Variants in SGIP1 observed in about 807,000 individuals in gnomAD.
SGIP1 encodes SH3GL interacting endocytic adaptor 1, also known as SH3-containing GRB2-like protein 3-interacting protein 1.
SGIP1 carries 38 observed loss-of-function variants against 107.5 expected under a neutral mutation model. The ratio of observed to expected loss-of-function variants is 0.35; its 90% CI spans 0.27 to 0.46. The LOEUF is 0.46. SGIP1 is among the 20% of genes least tolerant of loss of function. The probability of loss-of-function intolerance (pLI) is 1.00; values close to 1 mark genes in which losing one functional copy is unlikely to be tolerated. For synonymous variants in SGIP1, 365 were observed against 366.1 expected (o/e 1.00, Z 0.03); for missense variants, 929 against 1,019.5 (o/e 0.91, Z 1.21).
At chr1:66,535,795 CAG>C (rs1304308883) in intron 1 of SGIP1, among the ~76,000 whole-genome samples, 2 of 152,160 alleles carry the variant, frequency 1.3e-5, no homozygotes, top group African/African-American at 4.8e-5. Context: ...CAAGGCAAGA[CAG>C]AGTGTTATTT....
chr1:66,692,724 A>T (rs2090137864), intron 17 of SGIP1, among the ~76,000 whole-genome samples: 1 of 152,216 alleles, frequency 6.6e-6, no homozygotes, highest in Non-Finnish European at 1.5e-5. Context: ...GACATTTCCT[A>T]TGGTACTTGA....
chr1:66,706,003 A>G (rs545338082), intron 18 of SGIP1, among the ~76,000 whole-genome samples: 104 of 152,254 alleles, frequency 6.8e-4, no homozygotes, highest in African/African-American at 2.5e-3. Flanking sequence ...AAACCTACAC[A>G]TTCTGTACAT....
At chr1:66,607,822 ATT>A (rs1400575711) in intron 1 of SGIP1, among the ~76,000 whole-genome samples, 1 of 152,118 alleles carries the variant, frequency 6.6e-6, no homozygotes, top group Admixed American at 6.5e-5. Context: ...ATTGCTTTTT[ATT>A]TTCTCTCTTC....
At chr1:66,559,784 G>C (rs1478824534) in intron 1 of SGIP1, among the ~76,000 whole-genome samples, 1 of 152,054 alleles carries the variant, frequency 6.6e-6, no homozygotes, top group East Asian at 1.9e-4. Context: ...CATGTCGCTG[G>C]TCTGTTTCCA....
At chr1:66,618,169 T>C (rs1558087369) in intron 1 of SGIP1, among the ~76,000 whole-genome samples, 1 of 152,200 alleles carries the variant, frequency 6.6e-6, no homozygotes, top group Non-Finnish European at 1.5e-5. Flanking sequence ...CTAAATTGAG[T>C]TTTTAGTGTA....
chr1:66,677,102 T>C lies in SGIP1; in HGVS notation c.739+6T>C, dbSNP rs776037258. ...AAGGCCTTTTCCCACTGGAAGTAAG[T>C]TATGTGTCTGCTCTGTCTGGAAAAA... On this transcript the variant is annotated splice_donor_region_variant and intron_variant, in intron 13 of 24. Transcript: ENST00000371037. 11 of 1,609,126 alleles carry C rather than the reference T, an allele frequency of 6.8e-6. 1 individual carries two copies. The South Asian group carries it at 1.1e-4, about 16-fold the overall frequency.
intron 1 of SGIP1, among the ~76,000 whole-genome samples, chr1:66,614,028 T>C (rs187055332): frequency 6.6e-6 from 1 of 152,328 alleles, no homozygotes; most frequent in East Asian, 1.9e-4. Flanking sequence ...TGCCCTATAC[T>C]GGATAATTGG....
intron 8 of SGIP1, among the ~76,000 whole-genome samples, chr1:66,664,107 C>A (rs2082060600): frequency 6.6e-6 from 1 of 152,062 alleles, no homozygotes; most frequent in African/African-American, 2.4e-5. Flanking sequence ...TCTTTCTACA[C>A]CAAAGAACTT....
At chr1:66,549,019 T>C (rs912474907) in intron 1 of SGIP1, among the ~76,000 whole-genome samples, 1 of 152,216 alleles carries the variant, frequency 6.6e-6, no homozygotes, top group Non-Finnish European at 1.5e-5. Flanking sequence ...TTATGTAATA[T>C]AGCAGCTAAA....
chr1:66,697,596 T>C (rs907910282), intron 18 of SGIP1, among the ~76,000 whole-genome samples: 1 of 152,208 alleles, frequency 6.6e-6, no homozygotes, highest in Non-Finnish European at 1.5e-5. Context: ...CAAATGCACT[T>C]CAAGGGAAGC....
At position 66,745,355 on chromosome 1, in the gene SGIP1, T is replaced by G. The variant is rs2094538298; in HGVS notation, c.*2260T>G. 1 of 152,060 alleles carries G rather than the reference T, an allele frequency of 6.6e-6. No homozygotes were observed. The highest frequency in any genetic ancestry group is 1.5e-5 in the Non-Finnish European group (1 of 67,906). 9.4% of individuals were successfully genotyped at this position (152,060 alleles called of 1,614,324 possible). Reference sequence around the variant, plus strand: ...CAACAATTTCAAAATGATTGAACTATGAGTAACCAGAACCTCAATAGAAAA... The same window carrying G: ...CAACAATTTCAAAATGATTGAACTAGGAGTAACCAGAACCTCAATAGAAAA... On this transcript the variant is annotated 3_prime_UTR_variant, in exon 25 of 25. Coordinates refer to ENST00000371037, the MANE Select transcript of SGIP1 (RefSeq NM_032291.4).
At chr1:66,723,071 G>T (rs1161020423) in intron 19 of SGIP1, among the ~76,000 whole-genome samples, 1 of 152,166 alleles carries the variant, frequency 6.6e-6, no homozygotes, top group Non-Finnish European at 1.5e-5. Context: ...AATGAATCAT[G>T]AAATGACACT....
At chr1:66,555,687 T>C (rs1170701313) in intron 1 of SGIP1, among the ~76,000 whole-genome samples, 1 of 152,160 alleles carries the variant, frequency 6.6e-6, no homozygotes, top group Non-Finnish European at 1.5e-5. Flanking sequence ...TTTTCATCCA[T>C]TTAAGGAAGA....
chr1:66,640,679 G>A (rs939423752), intron 5 of SGIP1, among the ~76,000 whole-genome samples: 1 of 151,864 alleles, frequency 6.6e-6, no homozygotes, highest in African/African-American at 2.4e-5. Context: ...GCCCTGCTGG[G>A]CCTTATTGGC....
intron 7 of SGIP1, among the ~76,000 whole-genome samples, chr1:66,650,337 T>C (rs1024311160): frequency 6.6e-6 from 1 of 152,298 alleles, no homozygotes; most frequent in East Asian, 1.9e-4. Flanking sequence ...TTGTGCATCA[T>C]GGATAATTGA....
At chr1:66,681,477 G>A (rs2086679117) in intron 14 of SGIP1, among the ~76,000 whole-genome samples, 1 of 152,084 alleles carries the variant, frequency 6.6e-6, no homozygotes. Context: ...TTTTCAGAAG[G>A]GACCTTGCTT....
At chr1:66,726,741 G>C (rs1195233285) in intron 19 of SGIP1, among the ~76,000 whole-genome samples, 2 of 152,300 alleles carry the variant, frequency 1.3e-5, no homozygotes, top group African/African-American at 2.4e-5. Context: ...TACATTGTAA[G>C]ACTAAAATAG....
intron 1 of SGIP1, among the ~76,000 whole-genome samples, chr1:66,609,591 G>A (rs934773188): frequency 6.6e-6 from 1 of 152,162 alleles, no homozygotes; most frequent in Non-Finnish European, 1.5e-5. Flanking sequence ...ATAACAGATT[G>A]AATTCTGCGA....
chr1:66,551,157 CT>C (rs1339887448), intron 1 of SGIP1, among the ~76,000 whole-genome samples: 1 of 152,042 alleles, frequency 6.6e-6, no homozygotes, highest in Non-Finnish European at 1.5e-5. Context: ...TTAAGGATGC[CT>C]TTGTTCTGGT....
Sources: gnomAD v4.1 joint callset for allele counts (sites outside exome capture counted in the v4.1 genomes callset) on GRCh38, gnomAD v4.1.1 for gene constraint, MANE v1.5 for transcripts, NCBI Gene and HGNC (gene_info 2026-07-23, HGNC 2026-07-21) for gene names.